Variants in GADL1 observed in about 807,000 individuals in gnomAD.
GADL1 encodes acidic amino acid decarboxylase GADL1.
In GADL1, 71 loss-of-function variants were observed where a neutral mutation model predicts 69.5. The ratio of observed to expected loss-of-function variants is 1.02; its 90% CI spans 0.84 to 1.25. The LOEUF (loss-of-function observed/expected upper bound fraction) is 1.25, where lower values mean the gene tolerates loss of function less well. GADL1 is among the 50% of genes most tolerant of loss of function. The pLI, the probability that GADL1 is intolerant of heterozygous loss-of-function variation, is 0.00. For synonymous variants in GADL1, 254 were observed against 214.4 expected (o/e 1.18, Z -1.62); for missense variants, 737 against 631.8 (o/e 1.17, Z -1.79).
intron 11 of GADL1, among the ~76,000 whole-genome samples, chr3:30,819,759 T>C (rs917784204): frequency 6.6e-6 from 1 of 152,032 alleles, no homozygotes; most frequent in Admixed American, 6.6e-5. Context: ...AAATTAAGAT[T>C]TCAGGCAGGA....
At position 30,857,109 on chromosome 3, in the gene GADL1, T is replaced by C; in HGVS notation, c.243A>G (p.Lys81=). 6.5e-7 allele frequency: 1 copy of C among 1,550,212 alleles called. No individual in the cohort carries two copies. The highest frequency in any genetic ancestry group is 1.2e-5 in the South Asian group (1 of 84,016). ...CTCTCATCTCCAAATCAAGAAGCTG[T>C]TTCAGTTGTTCAGGAGGCCTCCATT... ...VCEWRPPEQL[K]QLLDLEMRDS... The change falls in exon 3 of 15, where the codon AAA becomes AAG. Residue 81 remains lysine, a synonymous_variant. Transcript: ENST00000282538.
At chr3:30,730,458 A>G (rs1190776667) in intron 14 of GADL1, among the ~76,000 whole-genome samples, 1 of 152,190 alleles carries the variant, frequency 6.6e-6, no homozygotes, top group Non-Finnish European at 1.5e-5. Flanking sequence ...ATCGCTACAC[A>G]GGTGTCTGAG....
At chr3:30,867,439 T>TATACAC (rs1319135425) in intron 1 of GADL1, among the ~76,000 whole-genome samples, 1 of 138,838 alleles carries the variant, frequency 7.2e-6, no homozygotes, top group Non-Finnish European at 1.5e-5. Flanking sequence ...TATATATATA[T>TATACAC]ACACATATAT....
At chr3:30,768,899 A>C (rs184921177) in intron 14 of GADL1, among the ~76,000 whole-genome samples, 37 of 152,278 alleles carry the variant, frequency 2.4e-4, no homozygotes, top group African/African-American at 8.9e-4. Context: ...AACATGAGCA[A>C]AAGTGCCACC....
chr3:30,768,343 A>G (rs182405234), intron 14 of GADL1, among the ~76,000 whole-genome samples: 369 of 152,262 alleles, frequency 2.4e-3, no homozygotes, highest in African/African-American at 8.5e-3. Context: ...AGAAGGGACT[A>G]CTTGTTATAG....
At chr3:30,730,429 A>G (rs1291361072) in intron 14 of GADL1, among the ~76,000 whole-genome samples, 36 of 152,182 alleles carry the variant, frequency 2.4e-4, no homozygotes, top group Admixed American at 2.2e-3. Flanking sequence ...TTGAGAATCC[A>G]GACTGATTCT....
intron 14 of GADL1, among the ~76,000 whole-genome samples, chr3:30,752,556 CAT>C (rs575212079): frequency 1.1e-3 from 171 of 152,308 alleles, no homozygotes; most frequent in African/African-American, 3.9e-3. Flanking sequence ...CATAACCACT[CAT>C]AAACCCAGTC....
chr3:30,808,590 T>A (rs886927879), intron 11 of GADL1, among the ~76,000 whole-genome samples: 3 of 152,192 alleles, frequency 2.0e-5, no homozygotes, highest in African/African-American at 7.2e-5. Flanking sequence ...TGGGTGCATT[T>A]TGAGCTTGTG....
chr3:30,881,866 T>C (rs1290583652), intron 1 of GADL1, among the ~76,000 whole-genome samples: 2 of 151,682 alleles, frequency 1.3e-5, no homozygotes, highest in Non-Finnish European at 2.9e-5. Flanking sequence ...TGGGTGGGGG[T>C]TGAAGTTGTT....
chr3:30,793,837 A>G (rs940802374), intron 12 of GADL1, among the ~76,000 whole-genome samples: 4 of 152,036 alleles, frequency 2.6e-5, no homozygotes, highest in African/African-American at 9.7e-5. Context: ...TTTTGGACCA[A>G]GTTTCTCTCC....
Position 30,844,450 on chromosome 3 carries a change from TTCA to T in GADL1, c.665_667del (p.Met222del), listed in dbSNP as rs1290149629. 1 of 1,611,302 alleles carries T rather than the reference TTCA, an allele frequency of 6.2e-7. No individual in the cohort carries two copies. The highest frequency in any genetic ancestry group is 8.5e-7 in the Non-Finnish European group (1 of 1,177,492). On this transcript the variant is annotated inframe_deletion, in exon 7 of 15. Transcript: ENST00000282538. ...AATCCCAAGAAAAGAGGCTGCCTTC[TTCA>T]TAGAGTAATGACACTGAATTCAAAG...
chr3:30,754,494 G>GT (rs11447173), intron 14 of GADL1, among the ~76,000 whole-genome samples: 49,398 of 151,996 alleles, frequency 0.32, 9,669 homozygotes, highest in Non-Finnish European at 0.43. Flanking sequence ...ATCTTCAGGA[G>GT]TTCTGGGAGC....
intron 14 of GADL1, among the ~76,000 whole-genome samples, chr3:30,729,157 A>G (rs1245747813): frequency 6.6e-6 from 1 of 152,182 alleles, no homozygotes; most frequent in Non-Finnish European, 1.5e-5. Context: ...AGATACACAG[A>G]TTTTTCTAAA....
chr3:30,728,081 C>T lies in GADL1; in HGVS notation c.*161G>A. 1 of 605,828 alleles carries T rather than the reference C, an allele frequency of 1.7e-6. No homozygotes were observed. Among genetic ancestry groups the T allele is most frequent in the Non-Finnish European group, 2.9e-6 (1 of 340,420 alleles). The allele number at this position is 605,828 out of a possible 1,614,324, so 37.5% of individuals were successfully genotyped here. A position where few individuals can be genotyped will look rare whatever the true frequency, so the allele number is the denominator to read the frequency against. ...GTAATGCCCAGGCAGCTAGAGAGTC[C>T]TTAATATTCATTGCTTAGCATTTTG... On this transcript the variant is annotated 3_prime_UTR_variant, in exon 15 of 15. Coordinates refer to ENST00000282538, the MANE Select transcript of GADL1 (RefSeq NM_207359.3).
At position 30,861,626 on chromosome 3, in the gene GADL1, C is replaced by T. The variant is rs1426536750; in HGVS notation, c.177G>A (p.Glu59=). 1.3e-6 allele frequency: 2 copies of T among 1,549,538 alleles called. No homozygotes were observed. Among genetic ancestry groups the T allele is most frequent in the South Asian group, 1.2e-5 (1 of 83,736 alleles). The change falls in exon 2 of 15, where the codon GAG becomes GAA. Residue 59 remains glutamate (E), a synonymous_variant. Transcript: ENST00000282538. ...TGACATCTGTAGCTTTCAAAACCAC[C>T]TCTTCCATTATTAGCCTACAGGCCT... ...VEEACRLIME[E]VVLKATDVNE...
chr3:30,883,704 G>T (rs917197126), intron 1 of GADL1, among the ~76,000 whole-genome samples: 2 of 151,878 alleles, frequency 1.3e-5, no homozygotes, highest in Non-Finnish European at 2.9e-5. Context: ...TTTTGATAAA[G>T]ATTGTGTTAA....
At chr3:30,812,496 A>T (rs958141433) in intron 11 of GADL1, among the ~76,000 whole-genome samples, 5 of 152,182 alleles carry the variant, frequency 3.3e-5, no homozygotes, top group African/African-American at 1.2e-4. Context: ...AAACCATCAG[A>T]TCTTGTAAGA....
chr3:30,871,657 C>T (rs1698483449), intron 1 of GADL1, among the ~76,000 whole-genome samples: 2 of 151,722 alleles, frequency 1.3e-5, no homozygotes, highest in Admixed American at 6.6e-5. Context: ...TTCCCGTCAC[C>T]CAGAGTTTTA....
intron 11 of GADL1, among the ~76,000 whole-genome samples, chr3:30,816,518 T>TTAA (rs991450428): frequency 6.9e-6 from 1 of 145,630 alleles, no homozygotes; most frequent in African/African-American, 2.5e-5. Context: ...CCATATATTC[T>TTAA]TAATTTGTTT....
Sources: allele counts gnomAD v4.1 joint callset (sites outside exome capture counted in the v4.1 genomes callset), GRCh38; gene constraint gnomAD v4.1.1; transcripts MANE v1.5; gene names NCBI Gene and HGNC (gene_info 2026-07-23, HGNC 2026-07-21).